Variants in ZNF521 observed in about 807,000 individuals in gnomAD.
The protein encoded by ZNF521 is zinc finger protein 521, also known as LYST-interacting protein 3.
A neutral mutation model predicts 105.5 loss-of-function variants in ZNF521; 14 were observed. The observed-to-expected ratio is 0.13, with a 90% CI of 0.09 to 0.21. The LOEUF is 0.21. Among genes scored for constraint, ZNF521 ranks in the 10% least tolerant of loss-of-function variants. ZNF521 has a pLI of 1.00. For synonymous variants in ZNF521, 635 were observed against 606.0 expected (o/e 1.05, Z -0.70); for missense variants, 1,233 against 1,629.7 (o/e 0.76, Z 4.19).
intron 5 of ZNF521, among the ~76,000 whole-genome samples, chr18:25,113,316 C>T (rs1227281266): frequency 6.6e-6 from 1 of 152,142 alleles, no homozygotes; most frequent in Non-Finnish European, 1.5e-5. Context: ...GACAGTCAAC[C>T]ATCCACCCCC....
intron 5 of ZNF521, among the ~76,000 whole-genome samples, chr18:25,106,416 A>G (rs992836615): frequency 1.3e-5 from 2 of 152,182 alleles, no homozygotes; most frequent in African/African-American, 4.8e-5. Context: ...ATAAAAAGTT[A>G]GATTTCCCTG....
chr18:25,218,508 T>G (rs1327180917), intron 4 of ZNF521, among the ~76,000 whole-genome samples: 1 of 127,602 alleles, frequency 7.8e-6, no homozygotes, highest in Non-Finnish European at 1.6e-5. Flanking sequence ...AAAAAAAAAA[T>G]TAGCTGGACA....
At chr18:25,302,462 G>A (rs1459975709) in intron 3 of ZNF521, among the ~76,000 whole-genome samples, 2 of 152,144 alleles carry the variant, frequency 1.3e-5, no homozygotes, top group Admixed American at 1.3e-4. Context: ...CATATAGAAT[G>A]GAGCATATTT....
intron 3 of ZNF521, among the ~76,000 whole-genome samples, chr18:25,245,648 T>C (rs1260333588): frequency 6.6e-6 from 1 of 152,218 alleles, no homozygotes; most frequent in African/African-American, 2.4e-5. Flanking sequence ...TGAAATGTGA[T>C]TCTTCACCCA....
intron 3 of ZNF521, among the ~76,000 whole-genome samples, chr18:25,230,230 GTAAA>G (rs1333082553): frequency 6.6e-6 from 1 of 152,162 alleles, no homozygotes; most frequent in African/African-American, 2.4e-5. Flanking sequence ...TTGAGCAGAA[GTAAA>G]TAGTTTGAGC....
chr18:25,350,743 C>T (rs1281492014), intron 2 of ZNF521, among the ~76,000 whole-genome samples, 164 bp downstream of exon 2: 37 of 151,448 alleles, frequency 2.4e-4, no homozygotes, highest in Non-Finnish European at 5.0e-4. Flanking sequence ...GACACCTCAC[C>T]CTCACTCCAC....
At chr18:25,327,195 T>A (rs1913269923) in intron 2 of ZNF521, among the ~76,000 whole-genome samples, 1 of 152,192 alleles carries the variant, frequency 6.6e-6, no homozygotes, top group Admixed American at 6.5e-5. Context: ...CTTTCAAGGA[T>A]ATTGTCTGAA....
intron 5 of ZNF521, among the ~76,000 whole-genome samples, chr18:25,188,743 T>C (rs1311250749): frequency 1.3e-5 from 2 of 152,108 alleles, no homozygotes; most frequent in Non-Finnish European, 2.9e-5. Flanking sequence ...TGGTAGGGCC[T>C]CTCTTCCTAG....
At chr18:25,161,477 T>C (rs376349797) in intron 5 of ZNF521, among the ~76,000 whole-genome samples, 159 of 152,278 alleles carry the variant, frequency 1.0e-3, no homozygotes, top group African/African-American at 3.7e-3. Flanking sequence ...TGTGGTGAAA[T>C]GGCCAGCATT....
At chr18:25,111,181 T>C (rs2034182635) in intron 5 of ZNF521, among the ~76,000 whole-genome samples, 1 of 152,258 alleles carries the variant, frequency 6.6e-6, no homozygotes, top group Admixed American at 6.5e-5. Context: ...TGCTACCATT[T>C]TCCAGGTGCT....
intron 5 of ZNF521, among the ~76,000 whole-genome samples, chr18:25,117,668 T>C (rs2034355722): frequency 6.6e-6 from 1 of 152,010 alleles, no homozygotes; most frequent in South Asian, 2.1e-4. Flanking sequence ...CTTAACACCT[T>C]AATGAATATG....
At position 25,184,564 on chromosome 18, in the gene ZNF521, A is replaced by T. The variant is rs2035688342; in HGVS notation, c.3658+10596T>A. ...TGAGTGGATTAAGGTTTAAATTTCA[A>T]TTCTACAGTATGTGCACTAGAAATG... On this transcript the variant is annotated intron_variant, in intron 5 of 7. Transcript: ENST00000361524. Among the ~76,000 whole-genome samples, 5 of 152,204 alleles carry T rather than the reference A, an allele frequency of 3.3e-5. No homozygotes were observed. In the South Asian group the frequency reaches 1.0e-3, roughly 31 times the overall value.
Position 25,182,101 on chromosome 18 carries a change from A to G in ZNF521, c.3658+13059T>C, listed in dbSNP as rs550368688. 3.9e-5 allele frequency among the ~76,000 whole-genome samples: 6 copies of G among 152,238 alleles called. No homozygotes were observed. The South Asian group carries it at 1.2e-3, about 32-fold the overall frequency. On this transcript the variant is annotated intron_variant, in intron 5 of 7. Transcript: ENST00000361524. ...ATTCAATTAGAAGAAGGACATTTTG[A>G]GGCAAGAATGATATGCTCTTTGGAC...
At position 25,262,280 on chromosome 18, in the gene ZNF521, T is replaced by C. The variant is rs1041313696; in HGVS notation, c.221-34583A>G. Among the ~76,000 whole-genome samples the C allele has an allele frequency of 6.6e-5, 10 of 152,286 alleles. No homozygotes were observed. In the East Asian group the frequency reaches 1.9e-3, roughly 29 times the overall value. On this transcript the variant is annotated intron_variant, in intron 3 of 7. Transcript: ENST00000361524. Reference sequence around the variant, plus strand: ...TTCCTTTTTGAAAACAGCAACAATTTTAAGGCAGATACTTTTCCCTGGGGT... The same window carrying C: ...TTCCTTTTTGAAAACAGCAACAATTCTAAGGCAGATACTTTTCCCTGGGGT...
chr18:25,098,617 A>T (rs1394211266), intron 5 of ZNF521, among the ~76,000 whole-genome samples: 2 of 152,186 alleles, frequency 1.3e-5, no homozygotes, highest in Admixed American at 1.3e-4. Flanking sequence ...TAAGGACGGG[A>T]GTGAGGACTG....
chr18:25,234,163 A>G (rs941104910), intron 3 of ZNF521, among the ~76,000 whole-genome samples: 1 of 152,194 alleles, frequency 6.6e-6, no homozygotes, highest in Non-Finnish European at 1.5e-5. Flanking sequence ...TTAAAAATAT[A>G]TATAACTAAT....
chr18:25,067,513 T>C (rs1357822405), intron 7 of ZNF521, among the ~76,000 whole-genome samples: 1 of 152,238 alleles, frequency 6.6e-6, no homozygotes, highest in Non-Finnish European at 1.5e-5. Flanking sequence ...CCTTTTTTTC[T>C]GAGAGCTGAC....
chr18:25,191,473 GCTCA>G (rs1203697167), intron 5 of ZNF521, among the ~76,000 whole-genome samples: 1 of 152,090 alleles, frequency 6.6e-6, no homozygotes, highest in African/African-American at 2.4e-5. Flanking sequence ...CTTGCAATTT[GCTCA>G]CTATGTTTCA....
chr18:25,276,356 C>T (rs1275111026), intron 3 of ZNF521, among the ~76,000 whole-genome samples: 1 of 152,112 alleles, frequency 6.6e-6, no homozygotes, highest in African/African-American at 2.4e-5. Flanking sequence ...GAGAGATATA[C>T]AAAATTAATC....
Sources: gnomAD v4.1 joint callset for allele counts (sites outside exome capture counted in the v4.1 genomes callset) on GRCh38, gnomAD v4.1.1 for gene constraint, MANE v1.5 for transcripts, NCBI Gene and HGNC (gene_info 2026-07-23, HGNC 2026-07-21) for gene names.